Variants in FAM163A observed in about 807,000 individuals in gnomAD.
FAM163A encodes the protein family with sequence similarity 163 member A.
In FAM163A, 7 loss-of-function variants were observed where a neutral mutation model predicts 12.0. That is an observed-to-expected ratio of 0.58 (90% CI 0.33 to 1.10). The LOEUF (loss-of-function observed/expected upper bound fraction) is 1.10. Ranked by LOEUF, FAM163A falls within the 50% of genes least tolerant of loss-of-function variation. The pLI, the probability that FAM163A is intolerant of heterozygous loss-of-function variation, is 0.03. For missense variants in FAM163A, 202 were observed against 218.6 expected (o/e 0.92, Z 0.48); for synonymous variants, 101 against 91.0 (o/e 1.11, Z -0.62).
chr1:179,777,161 G>T (rs1350347965), intron 1 of FAM163A, among the ~76,000 whole-genome samples: 1 of 152,104 alleles, frequency 6.6e-6, no homozygotes, highest in African/African-American at 2.4e-5. Context: ...TGTGAATAGT[G>T]CTGCTCTGAA....
At chr1:179,741,068 C>T (rs892361129), upstream of FAM163A, among the ~76,000 whole-genome samples, 3 of 152,192 alleles carry the variant, frequency 2.0e-5, no homozygotes, top group African/African-American at 4.8e-5. Flanking sequence ...AGCAGCTAGA[C>T]TTTATAAACA....
At chr1:179,742,100 A>G (rs1020169129), upstream of FAM163A, 1 of 152,204 alleles carries the variant, frequency 6.6e-6, no homozygotes, top group Admixed American at 6.5e-5. Context: ...ACCTGTGAGT[A>G]GAGTTAGAGT....
At chr1:179,785,521 G>A (rs1249344905) in intron 1 of FAM163A, among the ~76,000 whole-genome samples, 2 of 152,122 alleles carry the variant, frequency 1.3e-5, no homozygotes, top group Non-Finnish European at 2.9e-5. Context: ...CTCCAGCTTT[G>A]GTTTTGGTTT....
chr1:179,730,702 A>G, the FAM163A span, among the ~76,000 whole-genome samples: 1 of 152,168 alleles, frequency 6.6e-6, no homozygotes, highest in Non-Finnish European at 1.5e-5. Flanking sequence ...CTTTTCTTAA[A>G]ACTTTTTATA....
chr1:179,799,639 A>G (rs888458951), intron 1 of FAM163A, among the ~76,000 whole-genome samples: 22 of 152,284 alleles, frequency 1.4e-4, no homozygotes, highest in Admixed American at 3.3e-4. Flanking sequence ...GATGAAGCAT[A>G]GGAAAACTCT....
chr1:179,789,579 A>G (rs1202001836), intron 1 of FAM163A, among the ~76,000 whole-genome samples: 1 of 152,162 alleles, frequency 6.6e-6, no homozygotes, highest in Non-Finnish European at 1.5e-5. Context: ...CTATCATCCA[A>G]CCAGGAGGAT....
At chr1:179,787,573 C>T (rs79946342) in intron 1 of FAM163A, among the ~76,000 whole-genome samples, 3,652 of 152,284 alleles carry the variant, frequency 0.024, 151 homozygotes, top group African/African-American at 0.082. Context: ...AAACACTTCA[C>T]AGAGGAGGAG....
upstream of FAM163A, among the ~76,000 whole-genome samples, chr1:179,740,145 A>G (rs1177849201): frequency 2.0e-5 from 3 of 151,246 alleles, no homozygotes; most frequent in South Asian, 4.2e-4. Context: ...ACCTGTAAAC[A>G]AATGTTTGTG....
chr1:179,729,894 T>G, the FAM163A span, among the ~76,000 whole-genome samples: 1 of 152,238 alleles, frequency 6.6e-6, no homozygotes, highest in Non-Finnish European at 1.5e-5. Flanking sequence ...AGCATGAGAA[T>G]GGGCATAGCG....
intron 1 of FAM163A, among the ~76,000 whole-genome samples, chr1:179,785,673 A>C (rs937801640): frequency 1.3e-4 from 20 of 152,202 alleles, no homozygotes; most frequent in Non-Finnish European, 2.5e-4. Context: ...CACCCCTTAA[A>C]AAAATGGTTA....
At chr1:179,777,445 G>A (rs548114578) in intron 1 of FAM163A, among the ~76,000 whole-genome samples, 2 of 152,240 alleles carry the variant, frequency 1.3e-5, no homozygotes, top group South Asian at 2.1e-4. Flanking sequence ...AGGAGGCCAG[G>A]AGCTCCGTGA....
chr1:179,730,034 C>A, the FAM163A span, among the ~76,000 whole-genome samples: 10 of 152,064 alleles, frequency 6.6e-5, no homozygotes, highest in African/African-American at 2.2e-4. Context: ...TCCATCAGTC[C>A]TGGCCAAAAT....
chr1:179,732,941 C>T, the FAM163A span, among the ~76,000 whole-genome samples: 7 of 144,810 alleles, frequency 4.8e-5, no homozygotes, highest in Non-Finnish European at 7.5e-5. Flanking sequence ...CATGCATCAG[C>T]GGTTCTGGAG....
intron 1 of FAM163A, among the ~76,000 whole-genome samples, chr1:179,761,329 G>A (rs138365380): frequency 1.6e-3 from 248 of 152,314 alleles, no homozygotes; most frequent in African/African-American, 5.5e-3. Context: ...AACAAACAAA[G>A]CTGCTCTAGG....
chr1:179,746,455 GGAATGATTT>G (rs1474456093), intron 1 of FAM163A, among the ~76,000 whole-genome samples: 5 of 152,138 alleles, frequency 3.3e-5, no homozygotes, highest in Non-Finnish European at 7.3e-5. Context: ...TAACTGATAT[GGAATGATTT>G]CCAAGATATA....
chr1:179,812,573 G>C (rs1467475333), intron 3 of FAM163A, among the ~76,000 whole-genome samples: 1 of 152,246 alleles, frequency 6.6e-6, no homozygotes, highest in Admixed American at 6.5e-5. Flanking sequence ...GGGATCAAGA[G>C]CACAGCCTTT....
Position 179,814,670 on chromosome 1 carries a change from G to C in FAM163A, c.*481G>C, listed in dbSNP as rs1695143714. On this transcript the variant is annotated 3_prime_UTR_variant, in exon 5 of 5. Transcript: ENST00000341785. ...GCATTGGAGAAGCGAGGGGCGGGGCGTCAACGGCACTGCTTCAGGACGCGC... is the reference window on the plus strand; with the variant it reads ...GCATTGGAGAAGCGAGGGGCGGGGCCTCAACGGCACTGCTTCAGGACGCGC... The C allele has an allele frequency of 6.3e-6, 1 of 158,052 alleles. No homozygotes were observed. The highest frequency in any genetic ancestry group is 2.4e-5 in the African/African-American group (1 of 41,474). 9.8% of individuals were successfully genotyped at this position (158,052 alleles called of 1,614,324 possible).
chr1:179,783,127 C>CT (rs1690031219), intron 1 of FAM163A, among the ~76,000 whole-genome samples: 1 of 100,820 alleles, frequency 9.9e-6, no homozygotes, highest in African/African-American at 4.3e-5. Flanking sequence ...GAAACTCCGT[C>CT]TTAAAAAAAA....
intron 1 of FAM163A, among the ~76,000 whole-genome samples, chr1:179,774,336 G>A (rs1156780320): frequency 2.6e-5 from 4 of 152,212 alleles, no homozygotes; most frequent in Non-Finnish European, 1.5e-5. Context: ...GAGGCTTCTG[G>A]GGTTACAGGT....
Sources: allele counts gnomAD v4.1 joint callset (sites outside exome capture counted in the v4.1 genomes callset), GRCh38; gene constraint gnomAD v4.1.1; transcripts MANE v1.5; gene names NCBI Gene and HGNC (gene_info 2026-07-23, HGNC 2026-07-21).